Variants in PRR16 observed in about 807,000 individuals in gnomAD.
The protein encoded by PRR16 is proline rich 16, also known as protein Largen.
PRR16 carries 6 observed loss-of-function variants against 18.2 expected under a neutral mutation model. The observed-to-expected ratio is 0.33, with a 90% CI of 0.18 to 0.65. PRR16 has a LOEUF of 0.65. Ranked by LOEUF, PRR16 falls within the 30% of genes least tolerant of loss-of-function variation. The probability of loss-of-function intolerance (pLI) is 0.74; values close to 1 mark genes in which losing one functional copy is unlikely to be tolerated. For synonymous variants in PRR16, 151 were observed against 147.8 expected, an observed-to-expected ratio of 1.02 and a Z score of -0.16; for missense variants, 412 against 376.6, an observed-to-expected ratio of 1.09 and a Z score of -0.78.
chr5:120,580,562 C>T (rs577427059), intron 1 of PRR16, among the ~76,000 whole-genome samples: 110 of 150,878 alleles, frequency 7.3e-4, no homozygotes, highest in African/African-American at 2.7e-3. Context: ...TCACGCCATT[C>T]TCCTGCCTCA....
the PRR16 span, among the ~76,000 whole-genome samples, chr5:120,774,660 C>T: frequency 6.6e-6 from 1 of 151,982 alleles, no homozygotes; most frequent in East Asian, 1.9e-4. Flanking sequence ...GAGAAATTCC[C>T]TATTAGTACT....
At chr5:120,654,183 T>C (rs537024249) in intron 1 of PRR16, among the ~76,000 whole-genome samples, 2 of 152,158 alleles carry the variant, frequency 1.3e-5, no homozygotes, top group East Asian at 1.9e-4. Flanking sequence ...CTGCTTGGAA[T>C]GCAGACATGA....
At chr5:120,490,334 G>A (rs1042754507) in intron 1 of PRR16, among the ~76,000 whole-genome samples, 1 of 152,092 alleles carries the variant, frequency 6.6e-6, no homozygotes, top group Admixed American at 6.5e-5. Flanking sequence ...CATATTTCTT[G>A]GAGGCTTTGT....
At chr5:120,594,031 C>G (rs191412309) in intron 1 of PRR16, among the ~76,000 whole-genome samples, 1 of 152,046 alleles carries the variant, frequency 6.6e-6, no homozygotes, top group Non-Finnish European at 1.5e-5. Context: ...TATGACAAAC[C>G]CACAGCTAAC....
chr5:120,657,548 T>G (rs577089935), intron 1 of PRR16, among the ~76,000 whole-genome samples: 103 of 152,100 alleles, frequency 6.8e-4, no homozygotes, highest in African/African-American at 2.4e-3. Flanking sequence ...TGCTACCCAC[T>G]TTCTGCAAGG....
chr5:120,685,834 T>G, intron 1 of PRR16, 120 bp from the exon 2 acceptor site: 1 of 966,042 alleles, frequency 1.0e-6, no homozygotes, highest in Non-Finnish European at 1.5e-6. Flanking sequence ...AGCAATGGAA[T>G]GTTCAGTTCA....
intron 1 of PRR16, among the ~76,000 whole-genome samples, chr5:120,513,716 C>T (rs1750900623): frequency 6.6e-6 from 1 of 151,420 alleles, no homozygotes; most frequent in African/African-American, 2.4e-5. Context: ...TAATGTCTCT[C>T]TCAATTGATG....
chr5:120,637,354 C>G (rs1467768821), intron 1 of PRR16, among the ~76,000 whole-genome samples: 2 of 133,038 alleles, frequency 1.5e-5, no homozygotes, highest in Non-Finnish European at 3.1e-5. Context: ...CTTGCACACA[C>G]ATGTTTATAG....
At chr5:120,651,673 G>A (rs1208341564) in intron 1 of PRR16, among the ~76,000 whole-genome samples, 5 of 152,204 alleles carry the variant, frequency 3.3e-5, no homozygotes, top group African/African-American at 9.6e-5. Context: ...TCTCTGTTCT[G>A]TTCCATTGGT....
the PRR16 span, among the ~76,000 whole-genome samples, chr5:120,741,870 G>A: frequency 1.3e-5 from 2 of 152,098 alleles, no homozygotes; most frequent in Non-Finnish European, 2.9e-5. Flanking sequence ...CAACGTGCTG[G>A]GATTGCAGGC....
chr5:120,768,751 C>T, the PRR16 span, among the ~76,000 whole-genome samples: 1 of 151,706 alleles, frequency 6.6e-6, no homozygotes, highest in Admixed American at 6.6e-5. Flanking sequence ...GAAAGGAGCA[C>T]ATATCTGGCA....
chr5:120,790,831 T>C, the PRR16 span: 3 of 139,280 alleles, frequency 2.2e-5, no homozygotes, highest in Non-Finnish European at 4.7e-5. Context: ...CTCAAGACAT[T>C]GATTTTTCTT....
intron 1 of PRR16, among the ~76,000 whole-genome samples, chr5:120,666,639 A>G (rs1219066798): frequency 2.0e-5 from 3 of 151,910 alleles, no homozygotes; most frequent in Non-Finnish European, 4.4e-5. Context: ...TCCCATCAAT[A>G]CCTAATTTAT....
chr5:120,618,339 C>A (rs932313920), intron 1 of PRR16: 1 of 369,216 alleles, frequency 2.7e-6, no homozygotes, highest in Non-Finnish European at 3.7e-6. Context: ...TTGTTGAGTG[C>A]CATTAAATAA....
At chr5:120,471,256 GT>G (rs1402730063) in intron 1 of PRR16, among the ~76,000 whole-genome samples, 2 of 152,108 alleles carry the variant, frequency 1.3e-5, no homozygotes, top group African/African-American at 4.8e-5. Context: ...CAACAAAAAT[GT>G]TGATAAGAAT....
intron 1 of PRR16, among the ~76,000 whole-genome samples, chr5:120,544,514 G>C (rs905713703): frequency 6.6e-6 from 1 of 152,018 alleles, no homozygotes; most frequent in Non-Finnish European, 1.5e-5. Context: ...GTGTATGCAT[G>C]TGTGTATATG....
At chr5:120,535,413 T>C (rs182523585) in intron 1 of PRR16, among the ~76,000 whole-genome samples, 4 of 152,316 alleles carry the variant, frequency 2.6e-5, no homozygotes, top group Non-Finnish European at 4.4e-5. Context: ...GTATACATGA[T>C]GCCCCTTTAA....
chr5:120,762,344 G>T, the PRR16 span, among the ~76,000 whole-genome samples: 3 of 152,102 alleles, frequency 2.0e-5, no homozygotes, highest in Non-Finnish European at 4.4e-5. Flanking sequence ...TAGTATGTAA[G>T]AGTTCTTTTT....
At chr5:120,552,837 A>G (rs1460017068) in intron 1 of PRR16, among the ~76,000 whole-genome samples, 1 of 151,904 alleles carries the variant, frequency 6.6e-6, no homozygotes, top group Non-Finnish European at 1.5e-5. Context: ...GTTATTTGGC[A>G]CACATTTCCT....
Sources: gnomAD v4.1 joint callset for allele counts (sites outside exome capture counted in the v4.1 genomes callset) on GRCh38, gnomAD v4.1.1 for gene constraint, MANE v1.5 for transcripts, NCBI Gene and HGNC (gene_info 2026-07-23, HGNC 2026-07-21) for gene names.